The following CCP110 variants were observed in gnomAD, a reference collection of about 807,000 sequenced individuals.
CCP110 encodes the protein centriolar coiled-coil protein 110, also known as centriolar coiled-coil protein of 110 kDa.
Under a neutral mutation model 105.5 loss-of-function variants are expected in CCP110, and 43 were observed. The observed-to-expected ratio is 0.41, with a 90% CI of 0.32 to 0.53. The LOEUF (loss-of-function observed/expected upper bound fraction) is 0.53, where lower values mean the gene tolerates loss of function less well. Ranked by LOEUF, CCP110 falls within the 20% of genes least tolerant of loss-of-function variation. The pLI, the probability that CCP110 is intolerant of heterozygous loss-of-function variation, is 0.32. For synonymous variants in CCP110, 353 were observed against 392.1 expected, an observed-to-expected ratio of 0.90 and a Z score of 1.18; for missense variants, 1,016 against 1,189.1, an observed-to-expected ratio of 0.85 and a Z score of 2.14.
chr16:19,531,449 A>G (rs1969863212), intron 2 of CCP110, among the ~76,000 whole-genome samples: 1 of 152,260 alleles, frequency 6.6e-6, no homozygotes, highest in African/African-American at 2.4e-5. Context: ...CATTATAAAG[A>G]GATACAATGC....
intron 5 of CCP110, among the ~76,000 whole-genome samples, chr16:19,541,459 A>G (rs1970275648): frequency 1.3e-5 from 2 of 152,076 alleles, no homozygotes; most frequent in African/African-American, 4.8e-5. Context: ...ATATAGTGAA[A>G]TCCCATCTCT....
chr16:19,538,405 GT>G (rs765082044), intron 4 of CCP110, among the ~76,000 whole-genome samples: 10 of 144,614 alleles, frequency 6.9e-5, no homozygotes, highest in Non-Finnish European at 1.3e-4. Flanking sequence ...TGCTTCCTGG[GT>G]TCAATTGATT....
intron 4 of CCP110, 129 bp from the exon 5 acceptor site, chr16:19,540,528 A>G: frequency 2.7e-6 from 2 of 737,980 alleles, no homozygotes; most frequent in Non-Finnish European, 4.5e-6. Context: ...AGACCCAGCT[A>G]TATCTTGATT....
Position 19,542,649 on chromosome 16 carries a change from CT to C in CCP110, c.2259del (p.Phe753LeufsTer19). ...TCACAAATTCTGCCATGCAATATAG[CT>C]TTGTTTCTGCAAACGAAGCACCATT... On this transcript the variant is annotated frameshift_variant, in exon 7 of 15. Transcript: ENST00000381396. LOFTEE classifies it high-confidence loss of function. 1 of 1,612,544 alleles carries C rather than the reference CT, an allele frequency of 6.2e-7. No homozygotes were observed. Among genetic ancestry groups the C allele is most frequent in the Non-Finnish European group, 8.5e-7 (1 of 1,178,690 alleles).
chr16:19,546,548 G>A lies in CCP110; in HGVS notation c.2840+74G>A, dbSNP rs922875384. On this transcript the variant is annotated intron_variant, in intron 12 of 14. Transcript: ENST00000381396. ...AAAAAAAAAATTGGCTGGGCACGGTGGCTCACGCCTGTAATCCCAGAACTT... is the reference window on the plus strand; with the variant it reads ...AAAAAAAAAATTGGCTGGGCACGGTAGCTCACGCCTGTAATCCCAGAACTT... 8.4e-6 allele frequency: 7 copies of A among 834,486 alleles called. No homozygotes were observed. The South Asian group carries it at 9.2e-5, about 11-fold the overall frequency. The allele number at this position is 834,486 out of a possible 1,614,324, so 51.7% of individuals were successfully genotyped here.
chr16:19,524,015 A>T (rs916823835), exon 1 of CCP110: 1 of 154,182 alleles, frequency 6.5e-6, no homozygotes, highest in Non-Finnish European at 1.4e-5. Flanking sequence ...CTCTGTCAGT[A>T]CCATTTGAGC....
intron 4 of CCP110, among the ~76,000 whole-genome samples, chr16:19,540,012 A>G (rs1469283563): frequency 1.3e-5 from 2 of 150,970 alleles, no homozygotes; most frequent in East Asian, 4.0e-4. Context: ...CGAACTCCTG[A>G]CCTCAAGTGA....
chr16:19,532,575 A>T (rs1969912437), intron 3 of CCP110, 31 bp downstream of exon 3: 1 of 1,540,948 alleles, frequency 6.5e-7, no homozygotes, highest in Admixed American at 2.3e-5. Context: ...CAGTTATAAT[A>T]AAGAAATCAT....
At chr16:19,526,083 G>A (rs934649347) in intron 1 of CCP110, 2 of 152,206 alleles carry the variant, frequency 1.3e-5, no homozygotes, top group African/African-American at 4.8e-5. Context: ...GTCATATGCT[G>A]TGTTGTGCTG....
intron 14 of CCP110, among the ~76,000 whole-genome samples, chr16:19,549,807 A>G (rs1189695301): frequency 6.6e-6 from 1 of 152,192 alleles, no homozygotes; most frequent in East Asian, 1.9e-4. Flanking sequence ...CCTGATACCA[A>G]TTTGCCACAG....
At chr16:19,542,503 G>A in intron 6 of CCP110, 118 bp from the exon 7 acceptor site, 2 of 707,146 alleles carry the variant, frequency 2.8e-6, no homozygotes, top group Non-Finnish European at 4.7e-6. Flanking sequence ...AAGTCGGCAG[G>A]TAGGTCATTT....
exon 6 of CCP110, chr16:19,541,949 G>A (rs1567361298): frequency 6.2e-7 from 1 of 1,610,406 alleles, no homozygotes; most frequent in African/African-American, 1.3e-5. Context: ...AAGCCTCTGA[G>A]TTGGACATTA....
intron 1 of CCP110, among the ~76,000 whole-genome samples, 189 bp downstream of exon 1, chr16:19,524,277 T>C (rs1446687898): frequency 6.6e-6 from 1 of 151,752 alleles, no homozygotes; most frequent in African/African-American, 2.4e-5. Context: ...GGCGCTGAGG[T>C]GATGCTCCGA....
At chr16:19,535,655 T>G (rs1421932591) in intron 3 of CCP110, among the ~76,000 whole-genome samples, 42 of 152,212 alleles carry the variant, frequency 2.8e-4, no homozygotes, top group Admixed American at 2.7e-3. Context: ...TGTGTGTGTA[T>G]ACACATATAT....
In CCP110 at chr16:19,533,660, A is replaced by C. The variant is rs988501062; in HGVS notation, c.270+1116A>C. ...GTAAGCAGAGTAGAGGAAGAAGTCAAATATACATTTGTCTCCAAAGGGATG... is the reference window on the plus strand; with the variant it reads ...GTAAGCAGAGTAGAGGAAGAAGTCACATATACATTTGTCTCCAAAGGGATG... On this transcript the variant is annotated intron_variant, in intron 3 of 14. Transcript: ENST00000381396. Among the ~76,000 whole-genome samples, 2 of 152,200 alleles carry C rather than the reference A, an allele frequency of 1.3e-5. 1 individual carries two copies. The highest frequency in any genetic ancestry group is 1.3e-4 in the Admixed American group (2 of 15,272).
At chr16:19,536,077 A>C (rs753364001) in exon 4 of CCP110, 12 of 1,614,060 alleles carry the variant, frequency 7.4e-6, no homozygotes, top group Non-Finnish European at 1.0e-5. Flanking sequence ...ACTCTACTGC[A>C]GCAAAGCTTG....
Position 19,543,089 on chromosome 16 carries a change from G to A in CCP110, c.2484+95G>A, listed in dbSNP as rs906907502. 25 of 735,634 alleles carry A rather than the reference G, an allele frequency of 3.4e-5. No individual in the cohort carries two copies. In the Admixed American group the frequency reaches 3.5e-4, roughly 10 times the overall value. The allele number at this position is 735,634 out of a possible 1,614,324, so 45.6% of individuals were successfully genotyped here. On this transcript the variant is annotated intron_variant, in intron 8 of 14. Coordinates refer to ENST00000381396, the Ensembl canonical transcript of CCP110. ...TAACAGATTAGTTCAGAACTTAAAC[G>A]CTTTTTAGTCACTGTAATCTAGGCA...
chr16:19,548,786 AGT>A lies in CCP110; in HGVS notation c.2986+190_2986+191del. Among the ~76,000 whole-genome samples, 1 of 152,318 alleles carries A rather than the reference AGT, an allele frequency of 6.6e-6. No homozygotes were observed. The highest frequency in any genetic ancestry group is 3.4e-3 in the Middle Eastern group (1 of 294). On this transcript the variant is annotated intron_variant, in intron 14 of 14. Transcript: ENST00000381396. The surrounding 1 kb of genome is among the most constrained non-coding windows in gnomAD (Gnocchi z 4.1). ...ATGGCAGTCAGGAAGTCTTAGTAAA[AGT>A]GTGATTCCAGTCTTCATTTCTATAA...
At chr16:19,544,837 C>T (rs1567364166) in exon 9 of CCP110, 4 of 1,604,096 alleles carry the variant, frequency 2.5e-6, no homozygotes, top group Non-Finnish European at 3.4e-6. Flanking sequence ...TCAGAAGCAC[C>T]ATTAAAGAGA....
Sources: allele counts gnomAD v4.1 joint callset (sites outside exome capture counted in the v4.1 genomes callset), GRCh38; gene constraint gnomAD v4.1.1; non-coding constraint Gnocchi (gnomAD v3.1); transcripts MANE v1.5; gene names NCBI Gene and HGNC (gene_info 2026-07-23, HGNC 2026-07-21).